Variants in CD86 observed in about 807,000 individuals in gnomAD.
The protein encoded by CD86 is CD86 molecule.
A neutral mutation model predicts 32.1 loss-of-function variants in CD86; 11 were observed. The observed-to-expected ratio is 0.34, with a 90% CI of 0.22 to 0.57. The LOEUF is 0.57. Ranked by LOEUF, CD86 falls within the 20% of genes least tolerant of loss-of-function variation. CD86 has a pLI of 0.86. For synonymous variants in CD86, 137 were observed against 135.3 expected, an observed-to-expected ratio of 1.01 and a Z score of -0.09; for missense variants, 359 against 398.4, an observed-to-expected ratio of 0.90 and a Z score of 0.84.
intron 1 of CD86, among the ~76,000 whole-genome samples, chr3:122,086,408 C>A (rs887756499): frequency 3.9e-5 from 6 of 152,190 alleles, no homozygotes; most frequent in Admixed American, 1.3e-4. Context: ...CTGGCTGCTG[C>A]CATTCCACCT....
rs1194056646 is a variant in CD86 at position 122,103,827 on chromosome 3, A to T, written c.380A>T (p.Asn127Ile). ...PTGMIRIHQMNSELSVLANFS... is the reference protein window; with the variant it reads ...PTGMIRIHQMISELSVLANFS... ...GGAATGATTCGCATCCACCAGATGAATTCTGAACTGTCAGTGCTTGGTATG... is the reference window on the plus strand; with the variant it reads ...GGAATGATTCGCATCCACCAGATGATTTCTGAACTGTCAGTGCTTGGTATG... Residue 127 changes from asparagine (N) to isoleucine (I), a missense_variant, in exon 3 of 7, where the codon AAT becomes ATT. Transcript: ENST00000330540. 6.2e-7 allele frequency: 1 copy of T among 1,613,402 alleles called. No individual in the cohort carries two copies. Among genetic ancestry groups the T allele is most frequent in the Non-Finnish European group, 8.5e-7 (1 of 1,179,528 alleles).
chr3:122,102,857 G>A (rs1253426019), intron 2 of CD86, among the ~76,000 whole-genome samples: 1 of 143,746 alleles, frequency 7.0e-6, no homozygotes, highest in Non-Finnish European at 1.5e-5. Flanking sequence ...CATTTCTAAA[G>A]CATTTGACAT....
At chr3:122,101,512 AAATAT>A (rs1189720929) in intron 2 of CD86, among the ~76,000 whole-genome samples, 2 of 26,774 alleles carry the variant, frequency 7.5e-5, no homozygotes, top group Middle Eastern at 0.029. Flanking sequence ...AAAAAAAAAA[AAATAT>A]ATATATATAT....
At chr3:122,093,835 C>T (rs193243122) in intron 2 of CD86, among the ~76,000 whole-genome samples, 1 of 152,226 alleles carries the variant, frequency 6.6e-6, no homozygotes, top group African/African-American at 2.4e-5. Flanking sequence ...CACTAAAGCC[C>T]AGAGAGATGA....
Position 122,071,772 on chromosome 3 carries a change from A to G in CD86, c.14+16269A>G, listed in dbSNP as rs564934923. ...TTAAGTTTTAGGGTATGTGTGCACA[A>G]TGTGCAGGTTAGTTACATATGTATA... On this transcript the variant is annotated intron_variant, in intron 1 of 6. Transcript: ENST00000330540. 4.0e-5 allele frequency among the ~76,000 whole-genome samples: 6 copies of G among 151,762 alleles called. No individual in the cohort carries two copies. The East Asian group carries it at 1.2e-3, about 29-fold the overall frequency.
At chr3:122,098,448 G>A (rs187474361) in intron 2 of CD86, among the ~76,000 whole-genome samples, 3 of 152,246 alleles carry the variant, frequency 2.0e-5, no homozygotes, top group Admixed American at 2.0e-4. Context: ...GGGAGAGTAA[G>A]CAGGGGAAAG....
At chr3:122,106,573 T>C in intron 4 of CD86, 73 bp downstream of exon 4, 1 of 1,337,052 alleles carries the variant, frequency 7.5e-7, no homozygotes, top group South Asian at 1.4e-5. Flanking sequence ...TCATCCAATG[T>C]CCCCGACTTG....
intron 5 of CD86, among the ~76,000 whole-genome samples, chr3:122,112,278 TG>T (rs1293230519): frequency 3.3e-5 from 5 of 152,206 alleles, no homozygotes; most frequent in African/African-American, 1.2e-4. Flanking sequence ...AAAGGTAAAG[TG>T]CCTTTTTCAA....
At chr3:122,111,042 G>A (rs2073164224) in intron 5 of CD86, among the ~76,000 whole-genome samples, 1 of 152,178 alleles carries the variant, frequency 6.6e-6, no homozygotes, top group South Asian at 2.1e-4. Context: ...AAGTTAGAAG[G>A]TGGTTAAATA....
At chr3:122,070,928 G>A (rs184239253) in intron 1 of CD86, among the ~76,000 whole-genome samples, 12 of 152,182 alleles carry the variant, frequency 7.9e-5, no homozygotes, top group Admixed American at 6.5e-4. Context: ...AGAAATCCGT[G>A]TATGTGGTTA....
chr3:122,069,756 C>A (rs2072464534), intron 1 of CD86, among the ~76,000 whole-genome samples: 1 of 152,026 alleles, frequency 6.6e-6, no homozygotes, highest in Non-Finnish European at 1.5e-5. Flanking sequence ...CTAGGCATGC[C>A]CCAGAACACC....
At chr3:122,117,010 T>A (rs1479799255) in intron 5 of CD86, among the ~76,000 whole-genome samples, 2 of 152,126 alleles carry the variant, frequency 1.3e-5, no homozygotes, top group East Asian at 3.9e-4. Context: ...AATGATTGGG[T>A]TTTATTATTT....
rs117617936 is a variant in CD86, at chr3:122,099,247, G to T, written c.65-4265G>T. ...GCCAACACTTGCATTTGACACAGCG[G>T]TCAAATGAGTTGAGATCTGAAAAGA... On this transcript the variant is annotated intron_variant, in intron 2 of 6. Transcript: ENST00000330540. 1.6e-3 allele frequency among the ~76,000 whole-genome samples: 239 copies of T among 148,902 alleles called. 2 individuals are homozygous for T. In the East Asian group the frequency reaches 0.034, roughly 21 times the overall value.
intron 1 of CD86, among the ~76,000 whole-genome samples, chr3:122,066,908 T>C (rs2072421390): frequency 1.3e-5 from 2 of 151,872 alleles, no homozygotes; most frequent in South Asian, 2.1e-4. Context: ...GATAAAGATA[T>C]GGTGAAAAAA....
At chr3:122,090,465 C>G (rs1289822361) in intron 1 of CD86, among the ~76,000 whole-genome samples, 1 of 152,192 alleles carries the variant, frequency 6.6e-6, no homozygotes, top group Non-Finnish European at 1.5e-5. Flanking sequence ...TTTACATTGG[C>G]TGTTAAAAAG....
chr3:122,061,801 A>C (rs2072340269), intron 1 of CD86, among the ~76,000 whole-genome samples: 1 of 152,238 alleles, frequency 6.6e-6, no homozygotes, highest in African/African-American at 2.4e-5. Flanking sequence ...TATAAAACCA[A>C]ACATGCATTT....
At chr3:122,101,513 A>AATATATATAT (rs58001956) in intron 2 of CD86, among the ~76,000 whole-genome samples, 362 of 45,872 alleles carry the variant, frequency 7.9e-3, no homozygotes, top group South Asian at 0.014. Flanking sequence ...AAAAAAAAAA[A>AATATATATAT]ATATATATAT....
chr3:122,119,477 G>A lies in CD86; in HGVS notation c.933G>A (p.Gln311=). 5 of 1,611,962 alleles carry A rather than the reference G, an allele frequency of 3.1e-6. No individual in the cohort carries two copies. Among genetic ancestry groups the A allele is most frequent in the Non-Finnish European group, 3.4e-6 (4 of 1,178,110 alleles). ...TACCTGAAAGATCTGATGAAGCCCA[G>A]CGTGTTTTTAAAAGTTCGAAGACAT... is the stretch of plus-strand genomic sequence containing the variant. The part of the protein sequence containing the change: ...IHIPERSDEA[Q]RVFKSSKTSS... The change falls in exon 7 of 7, where the codon CAG becomes CAA. Residue 311 remains glutamine, a synonymous_variant. Transcript: ENST00000330540.
chr3:122,106,374 G>T lies in CD86; in HGVS notation c.577G>T (p.Val193Phe), dbSNP rs2073092164. 6.2e-7 allele frequency: 1 copy of T among 1,613,978 alleles called. No homozygotes were observed. Among genetic ancestry groups the T allele is most frequent in the African/African-American group, 1.3e-5 (1 of 74,916 alleles). Residue 193 changes from valine (V) to phenylalanine (F), a missense_variant, in exon 4 of 7, where the codon GTC becomes TTC. Physicochemically the swap from Val to Phe is conservative, Grantham distance 50. Transcript: ENST00000330540. ...DGVMQKSQDN[V>F]TELYDVSISL... ...TGTTATGCAGAAATCTCAAGATAAT[G>T]TCACAGAACTGTACGACGTTTCCAT...
Sources: allele counts gnomAD v4.1 joint callset (sites outside exome capture counted in the v4.1 genomes callset), GRCh38; gene constraint gnomAD v4.1.1; transcripts MANE v1.5; gene names NCBI Gene and HGNC (gene_info 2026-07-23, HGNC 2026-07-21).